Variants in NREP observed in about 807,000 individuals in gnomAD.
NREP encodes neuronal regeneration-related protein.
NREP carries 5 observed loss-of-function variants against 8.6 expected under a neutral mutation model. The observed-to-expected ratio is 0.58, with a 90% confidence interval of 0.30 to 1.22. The LOEUF is 1.22. NREP is among the 50% of genes most tolerant of loss of function. The pLI, the probability that NREP is intolerant of heterozygous loss-of-function variation, is 0.07. For synonymous variants in NREP, 27 were observed against 28.0 expected (o/e 0.96, Z 0.11); for missense variants, 86 against 82.5 (o/e 1.04, Z -0.17).
At chr5:111,871,050 T>TG (rs1753777441) in intron 2 of NREP, among the ~76,000 whole-genome samples, 1 of 64,942 alleles carries the variant, frequency 1.5e-5, no homozygotes. Context: ...ACAGAACCAA[T>TG]GGCGTGTGTG....
At chr5:111,783,525 G>C (rs1040853430) in intron 2 of NREP, among the ~76,000 whole-genome samples, 1 of 152,150 alleles carries the variant, frequency 6.6e-6, no homozygotes, top group Non-Finnish European at 1.5e-5. Context: ...ATCTCAAGGA[G>C]GAAACAATCA....
chr5:111,824,355 C>T (rs1331927541), intron 2 of NREP, among the ~76,000 whole-genome samples: 5 of 152,106 alleles, frequency 3.3e-5, no homozygotes, highest in African/African-American at 7.2e-5. Flanking sequence ...GACGACAGAG[C>T]GAGACTCCGT....
chr5:111,868,272 T>C (rs1753712857), intron 2 of NREP, among the ~76,000 whole-genome samples: 1 of 152,160 alleles, frequency 6.6e-6, no homozygotes. Context: ...CATGCTCTCA[T>C]ACACCCTTCT....
intron 2 of NREP, among the ~76,000 whole-genome samples, chr5:111,768,692 G>T (rs758612937): frequency 4.6e-4 from 70 of 152,286 alleles, no homozygotes; most frequent in Non-Finnish European, 6.3e-4. Context: ...CAAAGGACAT[G>T]ATTTCATTTT....
intron 2 of NREP, among the ~76,000 whole-genome samples, chr5:111,873,771 T>C (rs1281936648): frequency 6.6e-6 from 1 of 152,210 alleles, no homozygotes; most frequent in African/African-American, 2.4e-5. Context: ...TGTCATGTAA[T>C]GTATTCACAG....
At chr5:111,872,021 C>CATATAT (rs144779629) in intron 2 of NREP, among the ~76,000 whole-genome samples, 1,542 of 149,012 alleles carry the variant, frequency 0.01, 13 homozygotes, top group African/African-American at 0.015. Context: ...GGTTCCATTT[C>CATATAT]ATATATATAT....
At chr5:111,965,739 G>A (rs1266910702) in intron 2 of NREP, among the ~76,000 whole-genome samples, 1 of 152,064 alleles carries the variant, frequency 6.6e-6, no homozygotes. Flanking sequence ...ATAACAGTTT[G>A]CTAACATCAA....
intron 2 of NREP, among the ~76,000 whole-genome samples, chr5:111,905,723 A>G (rs1581207016): frequency 6.6e-6 from 1 of 152,150 alleles, no homozygotes; most frequent in African/African-American, 2.4e-5. Flanking sequence ...TAAGAGTACT[A>G]TATGCATCAT....
chr5:111,879,958 C>T (rs1047523674), intron 2 of NREP, among the ~76,000 whole-genome samples: 1 of 152,228 alleles, frequency 6.6e-6, no homozygotes, highest in African/African-American at 2.4e-5. Context: ...CAAATATCAT[C>T]ACCTTAAGGG....
At chr5:111,889,681 G>C (rs754844894) in intron 2 of NREP, among the ~76,000 whole-genome samples, 14 of 152,134 alleles carry the variant, frequency 9.2e-5, no homozygotes, top group Non-Finnish European at 1.8e-4. Context: ...GATATAATGG[G>C]GGTACTGTCA....
At chr5:111,875,602 T>C (rs1363923407) in intron 2 of NREP, among the ~76,000 whole-genome samples, 4 of 152,218 alleles carry the variant, frequency 2.6e-5, no homozygotes, top group African/African-American at 9.6e-5. Context: ...CATTACATTA[T>C]AGATAAAACA....
At chr5:111,832,976 T>C (rs1056479615) in intron 2 of NREP, among the ~76,000 whole-genome samples, 1 of 152,226 alleles carries the variant, frequency 6.6e-6, no homozygotes, top group Non-Finnish European at 1.5e-5. Context: ...AGTGTTCATC[T>C]GTCCCTGACT....
chr5:111,930,349 A>C (rs930355920), intron 2 of NREP, among the ~76,000 whole-genome samples: 1 of 152,248 alleles, frequency 6.6e-6, no homozygotes, highest in South Asian at 2.1e-4. Context: ...GTAGTCCCCC[A>C]CCCTCAAAGA....
chr5:111,751,376 A>G (rs1049706274), intron 2 of NREP, among the ~76,000 whole-genome samples: 1 of 152,198 alleles, frequency 6.6e-6, no homozygotes, highest in African/African-American at 2.4e-5. Context: ...TAACAGATCA[A>G]TTTCAGGATC....
At chr5:111,963,795 G>A (rs928561507) in intron 2 of NREP, among the ~76,000 whole-genome samples, 1 of 152,194 alleles carries the variant, frequency 6.6e-6, no homozygotes, top group South Asian at 2.1e-4. Context: ...GCCTTTGGTA[G>A]TGCCATGGTC....
chr5:111,924,329 G>T (rs1418275899), intron 2 of NREP, among the ~76,000 whole-genome samples: 1 of 152,140 alleles, frequency 6.6e-6, no homozygotes, highest in Non-Finnish European at 1.5e-5. Flanking sequence ...TCTTTAGACG[G>T]TGTTTGTCCA....
intron 2 of NREP, among the ~76,000 whole-genome samples, chr5:111,778,486 T>C (rs750944966): frequency 6.6e-6 from 1 of 152,142 alleles, no homozygotes; most frequent in Non-Finnish European, 1.5e-5. Flanking sequence ...TTTTGTCTAT[T>C]TCATGGCCAA....
intron 2 of NREP, among the ~76,000 whole-genome samples, chr5:111,791,053 G>T (rs1751734523): frequency 6.6e-6 from 1 of 152,126 alleles, no homozygotes; most frequent in Admixed American, 6.5e-5. Flanking sequence ...GACTGTAATA[G>T]AAGATTAAAC....
chr5:111,937,859 T>C (rs1211586791), intron 2 of NREP, among the ~76,000 whole-genome samples: 1 of 152,056 alleles, frequency 6.6e-6, no homozygotes, highest in Non-Finnish European at 1.5e-5. Context: ...AGTCCATGAC[T>C]CCAATTTACC....
Sources: allele counts gnomAD v4.1 joint callset (sites outside exome capture counted in the v4.1 genomes callset), GRCh38; gene constraint gnomAD v4.1.1; transcripts MANE v1.5; gene names NCBI Gene and HGNC (gene_info 2026-07-23, HGNC 2026-07-21).